B3GALT1: variants seen among roughly 807,000 people sequenced by gnomAD.
The protein encoded by B3GALT1 is UDP-Gal:betaGlcNAc beta 1,3-galactosyltransferase, polypeptide 1.
A neutral mutation model predicts 23.2 loss-of-function variants in B3GALT1; 10 were observed. The observed-to-expected ratio is 0.43, with a 90% CI of 0.27 to 0.73. The LOEUF is 0.73. B3GALT1 is among the 30% of genes least tolerant of loss of function. The probability of loss-of-function intolerance (pLI) is 0.21; values close to 1 mark genes in which losing one functional copy is unlikely to be tolerated. For synonymous variants in B3GALT1, 156 were observed against 141.5 expected (o/e 1.10, Z -0.73); for missense variants, 299 against 405.4 (o/e 0.74, Z 2.25).
intron 2 of B3GALT1, among the ~76,000 whole-genome samples, chr2:167,534,139 T>C (rs1683377001): frequency 6.6e-6 from 1 of 152,192 alleles, no homozygotes; most frequent in Non-Finnish European, 1.5e-5. Flanking sequence ...TGTTCAAAGC[T>C]TATTTCTGAA....
intron 2 of B3GALT1, among the ~76,000 whole-genome samples, chr2:167,598,178 T>C (rs546128272): frequency 4.6e-5 from 7 of 152,112 alleles, no homozygotes; most frequent in Non-Finnish European, 1.0e-4. Context: ...ATTGAAAAAT[T>C]GAAGCAAGAC....
chr2:167,679,150 CTT>C lies in B3GALT1; in HGVS notation c.-352+32185_-352+32186del, dbSNP rs377191704. On this transcript the variant is annotated intron_variant, in intron 3 of 4. Transcript: ENST00000392690. ...TTTTTTTTTGAGACAGAGTTTCACTCTTGTCACCCAGGCTGGAGTGCAATGGC... is the reference window on the plus strand; with the variant it reads ...TTTTTTTTTGAGACAGAGTTTCACTCGTCACCCAGGCTGGAGTGCAATGGC... Among the ~76,000 whole-genome samples the C allele has an allele frequency of 3.8e-3, 570 of 148,982 alleles. 4 individuals carry two copies. The highest frequency in any genetic ancestry group is 0.013 in the African/African-American group (531 of 40,754).
chr2:167,831,104 C>T (rs1000205559), intron 4 of B3GALT1, among the ~76,000 whole-genome samples: 3 of 152,372 alleles, frequency 2.0e-5, no homozygotes, highest in Admixed American at 6.5e-5. Context: ...TTCATCAACT[C>T]TTTGAAATGT....
chr2:167,515,578 G>T (rs1411777842), intron 2 of B3GALT1, among the ~76,000 whole-genome samples: 1 of 152,080 alleles, frequency 6.6e-6, no homozygotes, highest in African/African-American at 2.4e-5. Context: ...TGTGTTGCTA[G>T]TATTTTGTCT....
chr2:167,629,213 C>G (rs1465961696), intron 2 of B3GALT1, among the ~76,000 whole-genome samples: 1 of 151,696 alleles, frequency 6.6e-6, no homozygotes, highest in African/African-American at 2.4e-5. Flanking sequence ...TCGGTGATCT[C>G]GTAATGTCTA....
intron 2 of B3GALT1, among the ~76,000 whole-genome samples, chr2:167,618,835 CCTT>C (rs1685207133): frequency 1.3e-5 from 2 of 151,900 alleles, no homozygotes; most frequent in South Asian, 4.1e-4. Context: ...GGAGTTGTAT[CCTT>C]CTTAGTGCAT....
intron 3 of B3GALT1, among the ~76,000 whole-genome samples, chr2:167,773,710 T>C (rs1264709232): frequency 6.6e-6 from 1 of 152,236 alleles, no homozygotes; most frequent in African/African-American, 2.4e-5. Context: ...TACTATACTT[T>C]CTGTGTTTCT....
At position 167,641,953 on chromosome 2, in the gene B3GALT1, G is replaced by A. The variant is rs983215957; in HGVS notation, c.-409-4956G>A. On this transcript the variant is annotated intron_variant, in intron 2 of 4. Coordinates refer to ENST00000392690, the MANE Select transcript of B3GALT1 (RefSeq NM_020981.4). ...CATATCTATCAGGCATCCTTCATTG[G>A]AACTCCTAGTTTCCCTCACACATCT... Among the ~76,000 whole-genome samples the A allele has an allele frequency of 7.2e-5, 11 of 152,132 alleles. 1 individual carries two copies. Among genetic ancestry groups the A allele is most frequent in the Admixed American group, 5.9e-4 (9 of 15,254 alleles).
intron 3 of B3GALT1, among the ~76,000 whole-genome samples, chr2:167,767,674 C>G (rs965034472): frequency 2.0e-4 from 30 of 152,270 alleles, no homozygotes; most frequent in African/African-American, 6.7e-4. Context: ...CGGAAGAAAT[C>G]TAGCAGTTTC....
At chr2:167,834,907 A>C (rs1350506236) in intron 4 of B3GALT1, among the ~76,000 whole-genome samples, 4 of 152,200 alleles carry the variant, frequency 2.6e-5, no homozygotes, top group African/African-American at 9.6e-5. Context: ...TCTGTGCCCA[A>C]GGAGAGGCCT....
rs528245434 is a variant in B3GALT1, at chr2:167,441,749, T to A, written c.-510-48428T>A. On this transcript the variant is annotated intron_variant, in intron 1 of 4. Transcript: ENST00000392690. ...GATTATTAAAACGCAGATACAGAGC[T>A]GGGCAGGGGGGCATGCACCTGTAGT... Among the ~76,000 whole-genome samples, 5 of 152,068 alleles carry A rather than the reference T, an allele frequency of 3.3e-5. No individual in the cohort carries two copies. In the East Asian group the frequency reaches 9.6e-4, roughly 29 times the overall value.
intron 1 of B3GALT1, among the ~76,000 whole-genome samples, chr2:167,331,726 A>G (rs1696975181): frequency 6.6e-6 from 1 of 152,260 alleles, no homozygotes; most frequent in Non-Finnish European, 1.5e-5. Context: ...TGGTACCTAA[A>G]GACACTGGCT....
chr2:167,320,671 G>T (rs73015840), intron 1 of B3GALT1, among the ~76,000 whole-genome samples: 1,758 of 152,190 alleles, frequency 0.012, 26 homozygotes, highest in Admixed American at 0.033. Flanking sequence ...TAAGGCACTT[G>T]AAGTCATGTT....
chr2:167,868,557 G>T (rs966577087), intron 4 of B3GALT1, among the ~76,000 whole-genome samples: 3 of 150,828 alleles, frequency 2.0e-5, no homozygotes, highest in Non-Finnish European at 4.4e-5. Context: ...CTAATGTTCC[G>T]CTTACTTCAC....
chr2:167,538,851 T>C (rs1683481498), intron 2 of B3GALT1, among the ~76,000 whole-genome samples: 1 of 152,146 alleles, frequency 6.6e-6, no homozygotes, highest in Non-Finnish European at 1.5e-5. Flanking sequence ...ACAAAAACTA[T>C]GCCTGCTTCT....
In B3GALT1 at chr2:167,869,497, C is replaced by G. The variant is rs777452587; in HGVS notation, c.458C>G (p.Thr153Ser). The stretch of plus-strand genomic sequence containing the variant: ...TTTATTGACTCCTACCATAACCTTA[C>G]CCTCAAAACATTAATGGGGATGAGA... The part of the protein sequence containing the change: ...EDFIDSYHNL[T>S]LKTLMGMRWV... The change falls in exon 5 of 5, where the codon ACC becomes AGC. Residue 153 changes from threonine to serine, a missense_variant. Transcript: ENST00000392690. This position sits in a 1 kb window ranked among gnomAD's most constrained non-coding sequence, Gnocchi z 6.4. 3 of 1,614,012 alleles carry G rather than the reference C, an allele frequency of 1.9e-6. No individual in the cohort carries two copies. Among genetic ancestry groups the G allele is most frequent in the South Asian group, 1.1e-5 (1 of 91,072 alleles).
rs542614141 is a variant in B3GALT1, at chr2:167,684,254, A to G, written c.-352+37288A>G. 3.9e-5 allele frequency among the ~76,000 whole-genome samples: 6 copies of G among 152,342 alleles called. 1 individual carries two copies. The highest frequency in any genetic ancestry group is 1.2e-4 in the African/African-American group (5 of 41,580). On this transcript the variant is annotated intron_variant, in intron 3 of 4. Transcript: ENST00000392690. ...GAATAAACATTTGCTAGGTGAATCA[A>G]TGATTTGTGTATGTTTATTCAATAA... is the stretch of plus-strand genomic sequence containing the variant.
chr2:167,446,677 A>G (rs1699000682), intron 1 of B3GALT1, among the ~76,000 whole-genome samples: 1 of 152,184 alleles, frequency 6.6e-6, no homozygotes, highest in South Asian at 2.1e-4. Flanking sequence ...TTGTGCATGC[A>G]TCACGTAGTT....
chr2:167,572,454 C>A (rs1684311257), intron 2 of B3GALT1, among the ~76,000 whole-genome samples: 1 of 151,762 alleles, frequency 6.6e-6, no homozygotes. Flanking sequence ...TGCTTTGCTT[C>A]CTTTCTTAGT....
Sources: gnomAD v4.1 joint callset for allele counts (sites outside exome capture counted in the v4.1 genomes callset) on GRCh38, gnomAD v4.1.1 for gene constraint, Gnocchi (gnomAD v3.1) non-coding constraint, MANE v1.5 for transcripts, NCBI Gene and HGNC (gene_info 2026-07-23, HGNC 2026-07-21) for gene names.